ABHD8: variants seen among roughly 807,000 people sequenced by gnomAD.
The protein encoded by ABHD8 is abhydrolase domain containing 8, also known as protein ABHD8.
A neutral mutation model predicts 29.3 loss-of-function variants in ABHD8; 10 were observed. The observed-to-expected ratio is 0.34, with a 90% CI of 0.21 to 0.58. The LOEUF (loss-of-function observed/expected upper bound fraction) is 0.58. ABHD8 is among the 20% of genes least tolerant of loss of function. ABHD8 has a pLI of 0.85. For missense variants in ABHD8, 556 were observed against 615.3 expected (o/e 0.90, Z 1.02); for synonymous variants, 282 against 274.6 (o/e 1.03, Z -0.27).
At chr19:17,302,187 C>G (rs2074123425) in intron 1 of ABHD8, 1 of 152,276 alleles carries the variant, frequency 6.6e-6, no homozygotes, top group South Asian at 2.1e-4. Flanking sequence ...GCTTACCCCA[C>G]AGGGTGTCCA....
intron 1 of ABHD8, among the ~76,000 whole-genome samples, chr19:17,302,027 C>T (rs1234538118): frequency 6.6e-6 from 1 of 152,118 alleles, no homozygotes; most frequent in Non-Finnish European, 1.5e-5. Flanking sequence ...CTCCTGACCT[C>T]AAATTTTCCT....
intron 2 of ABHD8, among the ~76,000 whole-genome samples, chr19:17,299,242 C>G (rs993473823): frequency 2.7e-5 from 4 of 147,046 alleles, no homozygotes; most frequent in South Asian, 2.2e-4. Context: ...AGACCCCCCC[C>G]CCATTCTCTA....
At chr19:17,298,525 C>T in intron 2 of ABHD8, 1 of 152,080 alleles carries the variant, frequency 6.6e-6, no homozygotes, top group South Asian at 2.1e-4. Flanking sequence ...TTAACTTAGT[C>T]TAAGGCAGTG....
intron 2 of ABHD8, chr19:17,298,054 A>G (rs1469828288): frequency 4.6e-5 from 7 of 151,642 alleles, no homozygotes; most frequent in African/African-American, 1.7e-4. Context: ...AGCTGGGACT[A>G]CAGGCGCCTG....
chr19:17,301,396 C>A lies in ABHD8; in HGVS notation c.221G>T (p.Gly74Val), dbSNP rs776950825. 1 of 1,611,662 alleles carries A rather than the reference C, an allele frequency of 6.2e-7. No homozygotes were observed. The highest frequency in any genetic ancestry group is 8.5e-7 in the Non-Finnish European group (1 of 1,179,912). The change falls in exon 2 of 5, where the codon GGC becomes GTC. Residue 74 changes from glycine (G) to valine (V), a missense_variant. Gly to Val is a moderately radical substitution (Grantham distance 109, BLOSUM62 -3). Transcript: ENST00000247706. ...GATCCGGCGCTGACAGCGGACCAAG[C>A]CGGAGAGGTCCCCCTGGGCTGCATC... is the stretch of plus-strand genomic sequence containing the variant. ...SSDAAQGDLS[G>V]LVRCQRRITV...
rs1026351676 is a variant in ABHD8 at position 17,303,392 on chromosome 19, G to C, written c.-159C>G. ...ACCTGCCCCTGGCGGTCAGCGCAGG[G>C]GCATCCCGCGGCCGCCGAAACAGCC... On this transcript the variant is annotated 5_prime_UTR_variant, in exon 1 of 5. Coordinates refer to ENST00000247706, the MANE Select transcript of ABHD8 (RefSeq NM_024527.5). 3 of 152,228 alleles carry C rather than the reference G, an allele frequency of 2.0e-5. No individual in the cohort carries two copies. The highest frequency in any genetic ancestry group is 2.9e-5 in the Non-Finnish European group (2 of 68,044). 9.4% of individuals were successfully genotyped at this position (152,228 alleles called of 1,614,324 possible).
At chr19:17,294,643 A>G in intron 3 of ABHD8, 32 bp downstream of exon 3, 2 of 1,610,556 alleles carry the variant, frequency 1.2e-6, no homozygotes, top group African/African-American at 2.7e-5. Flanking sequence ...CGCCAGGGCC[A>G]GGATCACGGT....
intron 4 of ABHD8, among the ~76,000 whole-genome samples, chr19:17,293,105 T>C (rs867101852): frequency 0.021 from 3,185 of 150,212 alleles, 128 homozygotes; most frequent in African/African-American, 0.074. Flanking sequence ...TTTCTTTTTT[T>C]TTTTTTTTGA....
rs1247885006 is a variant in ABHD8 at position 17,292,710 on chromosome 19, G to A, written c.1271C>T (p.Pro424Leu). Residue 424 changes from proline to leucine, a missense_variant, in exon 5 of 5, where the codon CCC becomes CTC. This residue lies in a region of ABHD8 where 270 missense variants were observed against 353.9 expected (regional missense o/e 0.76). Transcript: ENST00000247706. ...EFLLWEPEPSPKALPEPLPAP... is the reference protein window; with the variant it reads ...EFLLWEPEPSLKALPEPLPAP... ...CGGCAGTGGCTCCGGTAGAGCCTTG[G>A]GCGAGGGCTCGGGCTCCCAGAGCAG... 1 of 1,613,316 alleles carries A rather than the reference G, an allele frequency of 6.2e-7. No individual in the cohort carries two copies. The highest frequency in any genetic ancestry group is 8.5e-7 in the Non-Finnish European group (1 of 1,179,834).
chr19:17,294,677 G>A lies in ABHD8; in HGVS notation c.930C>T (p.Leu310=). The change falls in exon 3 of 5, where the codon CTC becomes CTT. Residue 310 remains leucine (L), a splice_region_variant and synonymous_variant. Coordinates refer to ENST00000247706, the MANE Select transcript of ABHD8 (RefSeq NM_024527.5). ...GTCTTTGGGGTGGGGACACTCACTT[G>A]AGGAAGCTCCAGGCCAGGCAGGGCG... ...CLSPCLAWSF[L]KAGFARQGAK... The A allele has an allele frequency of 6.2e-7, 1 of 1,613,768 alleles. No individual in the cohort carries two copies. The highest frequency in any genetic ancestry group is 8.5e-7 in the Non-Finnish European group (1 of 1,179,858).
At chr19:17,295,514 C>T (rs2074090482) in intron 2 of ABHD8, among the ~76,000 whole-genome samples, 2 of 152,074 alleles carry the variant, frequency 1.3e-5, no homozygotes, top group Non-Finnish European at 1.5e-5. Context: ...TCAACTGATT[C>T]TCCTTCCTCA....
chr19:17,300,620 G>GGC (rs1347602727), intron 2 of ABHD8, among the ~76,000 whole-genome samples: 1 of 152,198 alleles, frequency 6.6e-6, no homozygotes, highest in Non-Finnish European at 1.5e-5. Flanking sequence ...TGGGACTACA[G>GGC]GCGCGTGCCA....
intron 2 of ABHD8, among the ~76,000 whole-genome samples, chr19:17,295,245 A>T (rs1472106204): frequency 6.6e-6 from 1 of 151,842 alleles, no homozygotes; most frequent in Non-Finnish European, 1.5e-5. Context: ...AGCTGGGACT[A>T]CAGGCGCCCG....
At chr19:17,299,355 A>T (rs1420391070) in intron 2 of ABHD8, among the ~76,000 whole-genome samples, 1 of 151,362 alleles carries the variant, frequency 6.6e-6, no homozygotes, top group African/African-American at 2.4e-5. Context: ...AGGTCAGGAG[A>T]TCGAGACCAT....
At position 17,301,280 on chromosome 19, in the gene ABHD8, G is replaced by C. The variant is rs1161239635; in HGVS notation, c.337C>G (p.Pro113Ala). ...AGCTCCACCTCCAGGGCGGCCGGCG[G>C]CTCCCCAGAGCCATTCTGCCCGTGT... ...LLHGQNGSGE[P>A]PAALEVELAD... Residue 113 changes from proline (P) to alanine (A), a missense_variant, in exon 2 of 5, where the codon CCG (proline) becomes GCG (alanine). Pro to Ala is a conservative substitution (Grantham distance 27, BLOSUM62 -1). This residue lies in a region of ABHD8 where 286 missense variants were observed against 261.4 expected (regional missense o/e 1.09). Transcript: ENST00000247706. 6 of 1,604,084 alleles carry C rather than the reference G, an allele frequency of 3.7e-6. No individual in the cohort carries two copies. The highest frequency in any genetic ancestry group is 1.7e-4 in the Middle Eastern group (1 of 6,008).
In ABHD8 at chr19:17,294,312, C is replaced by T. The variant is rs1274850452; in HGVS notation, c.1125G>A (p.Val375=). 1 of 1,608,410 alleles carries T rather than the reference C, an allele frequency of 6.2e-7. No individual in the cohort carries two copies. The highest frequency in any genetic ancestry group is 1.3e-5 in the African/African-American group (1 of 74,932). ...CCTCGGCCATGCGCTGGTCTTCCTCCACCGGCACAAACTTATCGTGCATGC... is the reference window on the plus strand; with the variant it reads ...CCTCGGCCATGCGCTGGTCTTCCTCTACCGGCACAAACTTATCGTGCATGC... ...VHGMHDKFVP[V]EEDQRMAEIL... is the part of the protein sequence containing the mutation. Residue 375 remains valine, a synonymous_variant, in exon 4 of 5, where the codon GTG becomes GTA. Coordinates refer to ENST00000247706, the MANE Select transcript of ABHD8 (RefSeq NM_024527.5).
At position 17,303,278 on chromosome 19, in the gene ABHD8, G is replaced by A. The variant is rs550137848; in HGVS notation, c.-45C>T. On this transcript the variant is annotated 5_prime_UTR_variant, in exon 1 of 5. Transcript: ENST00000247706. ...CCGCGGGGCCCGGGTCGGGGCGGAG[G>A]GGTCCCAGGCGGAGAAGCCAGCGTC... The A allele has an allele frequency of 2.1e-3, 316 of 152,402 alleles. 1 individual carries two copies. The highest frequency in any genetic ancestry group is 2.9e-3 in the Non-Finnish European group (197 of 68,072). The allele number at this position is 152,402 out of a possible 1,614,324, so 9.4% of individuals were successfully genotyped here.
At position 17,294,330 on chromosome 19, in the gene ABHD8, G is replaced by A. The variant is rs777956154; in HGVS notation, c.1107C>T (p.His369=). 76 of 1,611,502 alleles carry A rather than the reference G, an allele frequency of 4.7e-5. No homozygotes were observed. In the Admixed American group the frequency reaches 1.2e-3, roughly 26 times the overall value. The change falls in exon 4 of 5, where the codon CAC becomes CAT. Residue 369 remains histidine (H), a synonymous_variant. Coordinates refer to ENST00000247706, the MANE Select transcript of ABHD8 (RefSeq NM_024527.5). ...CTTCCTCCACCGGCACAAACTTATC[G>A]TGCATGCCGTGGACAAGCAGGACGG... The part of the protein sequence containing the change: ...TVPVLLVHGM[H]DKFVPVEEDQ...
At chr19:17,295,287 A>T in intron 2 of ABHD8, among the ~76,000 whole-genome samples, 1 of 151,096 alleles carries the variant, frequency 6.6e-6, no homozygotes, top group Non-Finnish European at 1.5e-5. Flanking sequence ...TTGTATTTTT[A>T]GTAGAGATGG....
Sources: allele counts gnomAD v4.1 joint callset (sites outside exome capture counted in the v4.1 genomes callset), GRCh38; gene constraint gnomAD v4.1.1; regional missense constraint gnomAD v4.1.1; transcripts MANE v1.5; gene names NCBI Gene and HGNC (gene_info 2026-07-23, HGNC 2026-07-21).